VCAN: variants seen among roughly 807,000 people sequenced by gnomAD.
VCAN encodes the protein versican core protein.
In VCAN, 44 loss-of-function variants were observed where a neutral mutation model predicts 245.5. The observed-to-expected ratio is 0.18, with a 90% CI of 0.14 to 0.23. The LOEUF (loss-of-function observed/expected upper bound fraction) is 0.23, where lower values mean the gene tolerates loss of function less well. VCAN is among the 10% of genes least tolerant of loss of function. The pLI is 1.00. For synonymous variants in VCAN, 1,413 were observed against 1,437.0 expected (o/e 0.98, Z 0.38); for missense variants, 3,793 against 4,057.9 (o/e 0.93, Z 1.77).
chr5:83,473,879 T>C (rs1480630861), intron 1 of VCAN, among the ~76,000 whole-genome samples: 2 of 152,108 alleles, frequency 1.3e-5, no homozygotes, highest in Non-Finnish European at 2.9e-5. Context: ...ATCTAGGAGT[T>C]TGGAGGACCC....
chr5:83,528,046 G>T (rs746529920), intron 7 of VCAN, among the ~76,000 whole-genome samples: 1 of 152,172 alleles, frequency 6.6e-6, no homozygotes, highest in Non-Finnish European at 1.5e-5. Context: ...ATGTCTAGTC[G>T]TTTGACAGAT....
At position 83,501,498 on chromosome 5, in the gene VCAN, C is replaced by T. The variant is rs541015940; in HGVS notation, c.748+7567C>T. On this transcript the variant is annotated intron_variant, in intron 5 of 14. Coordinates refer to ENST00000265077, the MANE Select transcript of VCAN (RefSeq NM_004385.5). ...TTGTATATGGTGTGAGGTTGGAGTCCAAATTCATTCTTTTGGATGTGGTCC... is the reference window on the plus strand; with the variant it reads ...TTGTATATGGTGTGAGGTTGGAGTCTAAATTCATTCTTTTGGATGTGGTCC... 1.5e-3 allele frequency among the ~76,000 whole-genome samples: 233 copies of T among 152,150 alleles called. 1 individual carries two copies. The highest frequency in any genetic ancestry group is 8.9e-3 in the South Asian group (43 of 4,812).
In VCAN at chr5:83,519,737, C is replaced by T. The variant is rs369643543; in HGVS notation, c.1431C>T (p.Val477=). Residue 477 remains valine, a synonymous_variant, in exon 7 of 15, where the codon GTC becomes GTT. Coordinates refer to ENST00000265077, the MANE Select transcript of VCAN (RefSeq NM_004385.5). ...SHYATDSWDG[V]VEDKQTQESV... ...ATGCTACGGATTCATGGGATGGTGTCGTGGAAGATAAACAAACACAAGAAT... is the reference window on the plus strand; with the variant it reads ...ATGCTACGGATTCATGGGATGGTGTTGTGGAAGATAAACAAACACAAGAAT... 4.0e-5 allele frequency: 64 copies of T among 1,613,970 alleles called. No homozygotes were observed. The highest frequency in any genetic ancestry group is 3.9e-4 in the African/African-American group (29 of 74,914).
At chr5:83,578,446 A>C (rs929616086) in intron 13 of VCAN, among the ~76,000 whole-genome samples, 1 of 152,114 alleles carries the variant, frequency 6.6e-6, no homozygotes, top group East Asian at 1.9e-4. Flanking sequence ...GAGTTTAGCT[A>C]TATAACAAGC....
chr5:83,555,820 TCA>T (rs750837967), intron 12 of VCAN, among the ~76,000 whole-genome samples: 4 of 152,322 alleles, frequency 2.6e-5, no homozygotes, highest in Non-Finnish European at 5.9e-5. Flanking sequence ...CTGTATTTTC[TCA>T]GTGTTCCACA....
chr5:83,518,254 C>A (rs11953621), intron 6 of VCAN, among the ~76,000 whole-genome samples: 3,748 of 151,784 alleles, frequency 0.025, 175 homozygotes, highest in African/African-American at 0.086. Context: ...TTTAAAAAAA[C>A]AATCATTATA....
chr5:83,486,572 C>G (rs1286412509), intron 2 of VCAN, among the ~76,000 whole-genome samples: 1 of 152,100 alleles, frequency 6.6e-6, no homozygotes, highest in East Asian at 1.9e-4. Flanking sequence ...TTTGGATGGG[C>G]TGTATTGGAA....
At chr5:83,546,139 C>G (rs1747209524) in intron 9 of VCAN, among the ~76,000 whole-genome samples, 1 of 151,996 alleles carries the variant, frequency 6.6e-6, no homozygotes, top group South Asian at 2.1e-4. Context: ...GCCTCGGCCT[C>G]AGGGAGCTGT....
At chr5:83,573,675 A>G (rs193174188) in intron 13 of VCAN, among the ~76,000 whole-genome samples, 4 of 152,316 alleles carry the variant, frequency 2.6e-5, no homozygotes, top group Admixed American at 1.3e-4. Context: ...AAACATACAT[A>G]TATTTTCAAG....
rs12332199 is a variant in VCAN at position 83,490,375 on chromosome 5, T to C, written c.348T>C (p.Thr116=). Reference sequence around the variant, plus strand: ...AGGCTGTGGGCGATGCCTCCCTCACTGTGGTCAAGCTGCTGGCAAGTGATG... The same window carrying C: ...AGGCTGTGGGCGATGCCTCCCTCACCGTGGTCAAGCTGCTGGCAAGTGATG... ...HPEAVGDASL[T]VVKLLASDAG... is the part of the protein sequence containing the mutation. Residue 116 remains threonine (T), a synonymous_variant, in exon 3 of 15, where the codon ACT becomes ACC. Coordinates refer to ENST00000265077, the MANE Select transcript of VCAN (RefSeq NM_004385.5). 597,618 of 1,613,948 alleles carry C rather than the reference T, an allele frequency of 0.37. 113,270 individuals carry two copies. Among genetic ancestry groups the C allele is most frequent in the African/African-American group, 0.48 (36,108 of 74,944 alleles).
chr5:83,553,436 C>T lies in VCAN; in HGVS notation c.9566C>T (p.Thr3189Ile). The change falls in exon 11 of 15, where the codon ACA becomes ATA. Residue 3189 changes from threonine to isoleucine, a missense_variant. By Grantham distance (89) the Thr-to-Ile change is moderately conservative. Coordinates refer to ENST00000265077, the MANE Select transcript of VCAN (RefSeq NM_004385.5). Reference protein sequence around the residue: ...QCYKYFAHRRTWDAAERECRL... With the variant: ...QCYKYFAHRRIWDAAERECRL... ...TACAAATACTTTGCCCATCGACGCA[C>T]ATGGGATGCAGCTGAACGGGAATGC... is the stretch of plus-strand genomic sequence containing the variant. 1 of 1,614,092 alleles carries T rather than the reference C, an allele frequency of 6.2e-7. No individual in the cohort carries two copies. Among genetic ancestry groups the T allele is most frequent in the Non-Finnish European group, 8.5e-7 (1 of 1,179,968 alleles).
chr5:83,481,374 T>C (rs1022209709), intron 1 of VCAN, among the ~76,000 whole-genome samples: 1 of 152,028 alleles, frequency 6.6e-6, no homozygotes, highest in Non-Finnish European at 1.5e-5. Context: ...CTAATACTCA[T>C]GGAATGCATT....
chr5:83,539,719 G>T lies in VCAN; in HGVS notation c.6716G>T (p.Gly2239Val), dbSNP rs140661930. 2 of 1,613,496 alleles carry T rather than the reference G, an allele frequency of 1.2e-6. No individual in the cohort carries two copies. Among genetic ancestry groups the T allele is most frequent in the African/African-American group, 1.3e-5 (1 of 74,902 alleles). ...GAAAGTACAAAACATTTTCCGAAAG[G>T]CATGAGACCAACAATTCAAGAGTCA... ...KEESTKHFPKGMRPTIQESDT... is the reference protein window; with the variant it reads ...KEESTKHFPKVMRPTIQESDT... The change falls in exon 8 of 15, where the codon GGC becomes GTC. Residue 2239 changes from glycine to valine, a missense_variant. By Grantham distance (109) the Gly-to-Val change is moderately radical. Coordinates refer to ENST00000265077, the MANE Select transcript of VCAN (RefSeq NM_004385.5).
At chr5:83,484,913 A>G (rs1459687631) in intron 2 of VCAN, among the ~76,000 whole-genome samples, 1 of 152,224 alleles carries the variant, frequency 6.6e-6, no homozygotes, top group Non-Finnish European at 1.5e-5. Flanking sequence ...TTAGGAAGAA[A>G]CATCGTGTGT....
Position 83,521,092 on chromosome 5 carries a change from A to G in VCAN, c.2786A>G (p.Glu929Gly), listed in dbSNP as rs1746074661. 1 of 1,614,172 alleles carries G rather than the reference A, an allele frequency of 6.2e-7. No individual in the cohort carries two copies. The highest frequency in any genetic ancestry group is 1.7e-5 in the Admixed American group (1 of 60,032). ...TMEGSALGEV[E>G]DVDLSKPVST... ...GAAGGAAGTGCTTTGGGTGAAGTAG[A>G]AGATGTGGACCTCTCTAAGCCAGTA... Residue 929 changes from glutamate (E) to glycine (G), a missense_variant, in exon 7 of 15, where the codon GAA (glutamate) becomes GGA (glycine). This residue lies in a region of VCAN where 3,182 missense variants were observed against 3,250.3 expected (regional missense o/e 0.98). Coordinates refer to ENST00000265077, the MANE Select transcript of VCAN (RefSeq NM_004385.5).
At chr5:83,536,653 G>C (rs573178259) in intron 7 of VCAN, 1 of 164,544 alleles carries the variant, frequency 6.1e-6, no homozygotes, top group African/African-American at 2.4e-5. Context: ...ATATGAAATA[G>C]TCTTAATTTT....
intron 5 of VCAN, among the ~76,000 whole-genome samples, chr5:83,506,217 A>T (rs1301225652): frequency 6.6e-6 from 1 of 152,316 alleles, no homozygotes; most frequent in East Asian, 1.9e-4. Flanking sequence ...CCCGCAGAAA[A>T]TGGGTTTTCC....
Position 83,540,076 on chromosome 5 carries a change from C to T in VCAN, c.7073C>T (p.Pro2358Leu), listed in dbSNP as rs1327105042. ...PLPFSTDIGH[P>L]QNQTVRWAEE... is the part of the protein sequence containing the mutation. ...CCTTTCTCCACGGACATCGGACATCCTCAAAATCAGACTGTCAGGTGGGCA... is the reference window on the plus strand; with the variant it reads ...CCTTTCTCCACGGACATCGGACATCTTCAAAATCAGACTGTCAGGTGGGCA... Residue 2358 changes from proline (P) to leucine (L), a missense_variant, in exon 8 of 15, where the codon CCT becomes CTT. Pro to Leu is a moderately conservative substitution (Grantham distance 98). Around this residue, in one of 5 missense-constraint regions of VCAN, gnomAD observed 3,182 missense variants for 3,250.3 expected, o/e 0.98. Transcript: ENST00000265077. 2 of 1,614,042 alleles carry T rather than the reference C, an allele frequency of 1.2e-6. No homozygotes were observed. Among genetic ancestry groups the T allele is most frequent in the Admixed American group, 1.7e-5 (1 of 59,972 alleles).
rs774882427 is a variant in VCAN, at chr5:83,521,792, C to T, written c.3486C>T (p.Thr1162=). 2.5e-6 allele frequency: 4 copies of T among 1,614,092 alleles called. No individual in the cohort carries two copies. Among genetic ancestry groups the T allele is most frequent in the Non-Finnish European group, 2.5e-6 (3 of 1,180,028 alleles). Residue 1162 remains threonine, a synonymous_variant, in exon 7 of 15, where the codon ACC becomes ACT. Transcript: ENST00000265077. ...SSLSPFSTHI[T]QLMEETTTEK... Reference sequence around the variant, plus strand: ...TGAGTCCTTTTAGTACCCACATTACCCAGCTTATGGAAGAAACCACTACTG... The same window carrying T: ...TGAGTCCTTTTAGTACCCACATTACTCAGCTTATGGAAGAAACCACTACTG...
Sources: gnomAD v4.1 joint callset for allele counts (sites outside exome capture counted in the v4.1 genomes callset) on GRCh38, gnomAD v4.1.1 for gene constraint, gnomAD v4.1.1 regional missense constraint, MANE v1.5 for transcripts, NCBI Gene and HGNC (gene_info 2026-07-23, HGNC 2026-07-21) for gene names.